CDIN1: variants seen among roughly 807,000 people sequenced by gnomAD.
The protein encoded by CDIN1 is CDAN1-interacting nuclease 1.
A neutral mutation model predicts 45.3 loss-of-function variants in CDIN1; 33 were observed. The observed-to-expected ratio is 0.73, with a 90% CI of 0.55 to 0.97. The LOEUF (loss-of-function observed/expected upper bound fraction) is 0.97. CDIN1 is among the 50% of genes least tolerant of loss of function. The probability of loss-of-function intolerance (pLI) is 0.00; values close to 1 mark genes in which losing one functional copy is unlikely to be tolerated. For synonymous variants in CDIN1, 118 were observed against 124.4 expected (o/e 0.95, Z 0.34); for missense variants, 303 against 339.4 (o/e 0.89, Z 0.84).
At chr15:36,676,479 G>A (rs1463545069) in intron 5 of CDIN1, among the ~76,000 whole-genome samples, 2 of 152,166 alleles carry the variant, frequency 1.3e-5, no homozygotes, top group Non-Finnish European at 2.9e-5. Flanking sequence ...TATTAGAGAG[G>A]CTTCTTGAAG....
chr15:36,695,675 C>T (rs989765036), intron 7 of CDIN1, among the ~76,000 whole-genome samples: 2 of 151,998 alleles, frequency 1.3e-5, no homozygotes, highest in African/African-American at 2.4e-5. Context: ...GGTAAAACTC[C>T]ATCTGTACTA....
At chr15:36,581,512 TAAC>T (rs1484175846) in intron 1 of CDIN1, among the ~76,000 whole-genome samples, 1 of 152,184 alleles carries the variant, frequency 6.6e-6, no homozygotes, top group Non-Finnish European at 1.5e-5. Flanking sequence ...AGGGAATAAA[TAAC>T]AACTCTCCTT....
At chr15:36,617,528 A>AT in intron 1 of CDIN1, 1 of 828,034 alleles carries the variant, frequency 1.2e-6, no homozygotes, top group Non-Finnish European at 2.2e-6. Context: ...TCTCAAATGG[A>AT]TAGTGATCAG....
At chr15:36,764,953 C>A (rs1410733470) in intron 10 of CDIN1, among the ~76,000 whole-genome samples, 1 of 152,058 alleles carries the variant, frequency 6.6e-6, no homozygotes, top group African/African-American at 2.4e-5. Context: ...GATGGCAAAG[C>A]GAGAAGGTAG....
At chr15:36,585,635 A>G (rs2037260809) in intron 1 of CDIN1, among the ~76,000 whole-genome samples, 1 of 152,166 alleles carries the variant, frequency 6.6e-6, no homozygotes, top group Admixed American at 6.5e-5. Flanking sequence ...TATTCACTTG[A>G]TTAAGGTGGT....
At chr15:36,593,179 G>C (rs910180880) in intron 1 of CDIN1, among the ~76,000 whole-genome samples, 1 of 152,100 alleles carries the variant, frequency 6.6e-6, no homozygotes, top group African/African-American at 2.4e-5. Context: ...TTGTTGCAGT[G>C]GTATTTATGG....
chr15:36,700,281 C>A (rs1471942205), intron 8 of CDIN1, among the ~76,000 whole-genome samples: 1 of 152,150 alleles, frequency 6.6e-6, no homozygotes, highest in Non-Finnish European at 1.5e-5. Flanking sequence ...TGCTCATAGT[C>A]AAGCACCGTA....
At chr15:36,715,925 A>C (rs2043201346) in intron 10 of CDIN1, among the ~76,000 whole-genome samples, 1 of 152,278 alleles carries the variant, frequency 6.6e-6, no homozygotes, top group African/African-American at 2.4e-5. Flanking sequence ...CAGCATGTTG[A>C]ATGTGAATAA....
chr15:36,663,372 T>C (rs2041099867), intron 5 of CDIN1, among the ~76,000 whole-genome samples: 1 of 152,170 alleles, frequency 6.6e-6, no homozygotes, highest in Non-Finnish European at 1.5e-5. Context: ...ACAAGACAGA[T>C]ACGGAAGATA....
intron 10 of CDIN1, among the ~76,000 whole-genome samples, chr15:36,724,020 A>G (rs892206280): frequency 1.3e-5 from 2 of 152,200 alleles, no homozygotes; most frequent in African/African-American, 4.8e-5. Flanking sequence ...TCTAATCCAC[A>G]TAACAGTCCT....
intron 1 of CDIN1, among the ~76,000 whole-genome samples, chr15:36,637,229 A>C (rs936062339): frequency 1.3e-5 from 2 of 152,216 alleles, no homozygotes; most frequent in African/African-American, 4.8e-5. Flanking sequence ...TCCCCTCCTT[A>C]ACACACAAAA....
chr15:36,758,357 G>A (rs561742249), intron 10 of CDIN1, among the ~76,000 whole-genome samples: 1 of 152,074 alleles, frequency 6.6e-6, no homozygotes, highest in Non-Finnish European at 1.5e-5. Context: ...TGAGCTTCTG[G>A]TTTTGTTTCA....
At chr15:36,740,333 C>T (rs1566942860) in intron 10 of CDIN1, among the ~76,000 whole-genome samples, 1 of 151,934 alleles carries the variant, frequency 6.6e-6, no homozygotes, top group South Asian at 2.1e-4. Context: ...TTTTAAGCTA[C>T]GTAAGAGGAG....
chr15:36,682,446 A>C (rs1174922705), intron 5 of CDIN1, among the ~76,000 whole-genome samples: 1 of 152,020 alleles, frequency 6.6e-6, no homozygotes, highest in Admixed American at 6.6e-5. Context: ...TCAAATTTTA[A>C]TGTCATCCAG....
chr15:36,617,837 G>C, intron 1 of CDIN1: 2 of 783,456 alleles, frequency 2.6e-6, no homozygotes, highest in Middle Eastern at 2.5e-4. Context: ...TACACAAAAG[G>C]CTTTTAAATC....
At chr15:36,628,758 T>C (rs951559306) in intron 1 of CDIN1, among the ~76,000 whole-genome samples, 5 of 152,140 alleles carry the variant, frequency 3.3e-5, no homozygotes, top group African/African-American at 9.7e-5. Flanking sequence ...CTTAAAGATA[T>C]TAGGTCCTAA....
intron 1 of CDIN1, among the ~76,000 whole-genome samples, chr15:36,619,722 G>A (rs1046476441): frequency 1.3e-5 from 2 of 152,030 alleles, no homozygotes; most frequent in African/African-American, 4.8e-5. Flanking sequence ...TGTAAAATTA[G>A]AAATTACTTT....
At chr15:36,709,812 C>T in intron 9 of CDIN1, 44 bp from the exon 10 acceptor site, 4 of 1,516,458 alleles carry the variant, frequency 2.6e-6, no homozygotes, top group Non-Finnish European at 3.7e-6. Context: ...AATTTTCAAT[C>T]TTCCCCTCCC....
chr15:36,716,393 G>A (rs2043216017), intron 10 of CDIN1, among the ~76,000 whole-genome samples: 1 of 151,992 alleles, frequency 6.6e-6, no homozygotes, highest in Non-Finnish European at 1.5e-5. Flanking sequence ...AGAGGGTAAG[G>A]GAAAAATAAA....
Sources: allele counts gnomAD v4.1 joint callset (sites outside exome capture counted in the v4.1 genomes callset), GRCh38; gene constraint gnomAD v4.1.1; transcripts MANE v1.5; gene names NCBI Gene and HGNC (gene_info 2026-07-23, HGNC 2026-07-21).